CFAP44: variants seen among roughly 807,000 people sequenced by gnomAD.
The protein encoded by CFAP44 is cilia and flagella associated protein 44.
CFAP44 carries 134 observed loss-of-function variants against 216.2 expected under a neutral mutation model. The ratio of observed to expected loss-of-function variants is 0.62; its 90% CI spans 0.54 to 0.72. The LOEUF is 0.72. Among genes scored for constraint, CFAP44 ranks in the 30% least tolerant of loss-of-function variants. CFAP44 has a pLI of 0.00. For synonymous variants in CFAP44, 700 were observed against 727.6 expected (o/e 0.96, Z 0.61); for missense variants, 2,035 against 2,182.1 (o/e 0.93, Z 1.34).
At position 113,409,329 on chromosome 3, in the gene CFAP44, G is replaced by T. The variant is rs1235711615; in HGVS notation, c.674-7C>A. The T allele has an allele frequency of 9.9e-6, 16 of 1,610,096 alleles. No homozygotes were observed. The highest frequency in any genetic ancestry group is 1.0e-5 in the Non-Finnish European group (12 of 1,177,590). On this transcript the variant is annotated splice_polypyrimidine_tract_variant and splice_region_variant and intron_variant, in intron 6 of 34. Coordinates refer to ENST00000393845, the MANE Select transcript of CFAP44 (RefSeq NM_001164496.2). The stretch of plus-strand genomic sequence containing the variant: ...TATCCCTTCTCAGTCCCATCTGGAA[G>T]GATAAATGGAAGCCTAATAAATAAG...
intron 22 of CFAP44, among the ~76,000 whole-genome samples, chr3:113,349,339 C>T (rs1950419444): frequency 6.6e-6 from 1 of 152,134 alleles, no homozygotes; most frequent in African/African-American, 2.4e-5. Flanking sequence ...AGCCCTGGGC[C>T]CTGAACAAAA....
chr3:113,414,308 G>A (rs1163291198), intron 6 of CFAP44, among the ~76,000 whole-genome samples: 1 of 152,288 alleles, frequency 6.6e-6, no homozygotes, highest in South Asian at 2.1e-4. Flanking sequence ...TCTGCAAACA[G>A]TGACAACTTG....
intron 16 of CFAP44, among the ~76,000 whole-genome samples, chr3:113,379,757 A>G (rs1464848114): frequency 1.3e-5 from 2 of 152,160 alleles, no homozygotes; most frequent in Non-Finnish European, 2.9e-5. Flanking sequence ...ACCCCCATCA[A>G]TCTTGGTTTT....
chr3:113,439,071 T>C (rs1354067674), intron 1 of CFAP44, among the ~76,000 whole-genome samples: 1 of 152,236 alleles, frequency 6.6e-6, no homozygotes, highest in Non-Finnish European at 1.5e-5. Flanking sequence ...GACCATGTTC[T>C]ACATTCTATT....
chr3:113,292,883 C>G (rs1949843995), intron 34 of CFAP44, among the ~76,000 whole-genome samples: 1 of 152,176 alleles, frequency 6.6e-6, no homozygotes, highest in South Asian at 2.1e-4. Context: ...TAATCTGAAA[C>G]TTTTGCTCCT....
rs1949812017 is a variant in CFAP44 at position 113,289,823 on chromosome 3, C to T, written c.*1734G>A. ...CACTTGCTCTGGGAGAAGTCATATCCCAAGCGGCCCTATGGAGAGGCCCAC... is the reference window on the plus strand; with the variant it reads ...CACTTGCTCTGGGAGAAGTCATATCTCAAGCGGCCCTATGGAGAGGCCCAC... On this transcript the variant is annotated 3_prime_UTR_variant, in exon 35 of 35. Coordinates refer to ENST00000393845, the MANE Select transcript of CFAP44 (RefSeq NM_001164496.2). 6.6e-6 allele frequency: 1 copy of T among 152,296 alleles called. No homozygotes were observed. Among genetic ancestry groups the T allele is most frequent in the Non-Finnish European group, 1.5e-5 (1 of 68,102 alleles). The allele number at this position is 152,296 out of a possible 1,614,324, so 9.4% of individuals were successfully genotyped here. A position where few individuals can be genotyped will look rare whatever the true frequency, so the allele number is the denominator to read the frequency against.
intron 21 of CFAP44, chr3:113,361,463 A>G (rs1008980943): frequency 6.6e-6 from 1 of 151,654 alleles, no homozygotes; most frequent in Non-Finnish European, 1.5e-5. Flanking sequence ...AAGAAATTAT[A>G]TAATTATACA....
intron 17 of CFAP44, 34 bp downstream of exon 17, chr3:113,379,272 T>C: frequency 1.4e-6 from 2 of 1,432,980 alleles, no homozygotes; most frequent in Non-Finnish European, 9.4e-7. Flanking sequence ...TATTGAAATA[T>C]GATTGAGGTA....
chr3:113,403,794 T>A lies in CFAP44; in HGVS notation c.1170+58A>T, dbSNP rs1455078311. ...AACCTTTATGAGAAATAAAACCCTT[T>A]GGGTGAGCTACAAGTCTTAAACGTG... On this transcript the variant is annotated intron_variant, in intron 9 of 34. Coordinates refer to ENST00000393845, the MANE Select transcript of CFAP44 (RefSeq NM_001164496.2). 2.6e-6 allele frequency: 4 copies of A among 1,538,888 alleles called. No homozygotes were observed. The East Asian group carries it at 7.0e-5, about 27-fold the overall frequency.
intron 15 of CFAP44, among the ~76,000 whole-genome samples, chr3:113,388,820 G>C (rs1249674684): frequency 1.3e-5 from 2 of 152,166 alleles, no homozygotes; most frequent in Non-Finnish European, 2.9e-5. Flanking sequence ...TCAGTAAAAG[G>C]ATATAACAAT....
In CFAP44 at chr3:113,406,985, C is replaced by A. The variant is rs1431257097; in HGVS notation, c.947G>T (p.Arg316Leu). 2 of 1,613,978 alleles carry A rather than the reference C, an allele frequency of 1.2e-6. No homozygotes were observed. Among genetic ancestry groups the A allele is most frequent in the Non-Finnish European group, 8.5e-7 (1 of 1,180,006 alleles). ...ATCAGTAGTGATTGTTTTGCCAAAT[C>A]GACCTAGTGATCCCTGCAGCTTGAG... is the stretch of plus-strand genomic sequence containing the variant. ...TGLKLQGSLG[R>L]FGKTITTDIE... is the part of the protein sequence containing the mutation. Residue 316 changes from arginine (R) to leucine (L), a missense_variant, in exon 8 of 35, where the codon CGA (arginine) becomes CTA (leucine). Physicochemically the swap from Arg to Leu is moderately radical, Grantham distance 102. This residue lies in a region of CFAP44 where 1,883 missense variants were observed against 2,023.7 expected (regional missense o/e 0.93). Transcript: ENST00000393845.
intron 2 of CFAP44, among the ~76,000 whole-genome samples, chr3:113,429,473 T>C (rs73239121): frequency 0.21 from 31,823 of 152,030 alleles, 3,939 homozygotes; most frequent in East Asian, 0.48. Flanking sequence ...TGATGTATCT[T>C]TTTCTATCCA....
chr3:113,352,437 G>A (rs943302022), intron 22 of CFAP44, among the ~76,000 whole-genome samples: 44 of 152,128 alleles, frequency 2.9e-4, no homozygotes, highest in African/African-American at 1.4e-4. Flanking sequence ...AAAAGTCTGC[G>A]GCTTCATTCT....
At chr3:113,350,558 C>T (rs1243643630) in intron 22 of CFAP44, among the ~76,000 whole-genome samples, 1 of 152,176 alleles carries the variant, frequency 6.6e-6, no homozygotes, top group Non-Finnish European at 1.5e-5. Context: ...TCTCCATGAC[C>T]TTATAACACT....
At chr3:113,428,597 A>T (rs1935024416) in intron 2 of CFAP44, among the ~76,000 whole-genome samples, 1 of 152,216 alleles carries the variant, frequency 6.6e-6, no homozygotes, top group African/African-American at 2.4e-5. Context: ...TATTCTTGGA[A>T]ATAATCTAAA....
intron 17 of CFAP44, 44 bp downstream of exon 17, chr3:113,379,262 T>C: frequency 7.3e-7 from 1 of 1,373,022 alleles, no homozygotes; most frequent in Non-Finnish European, 9.8e-7. Context: ...CTATAAACTA[T>C]ATTGAAATAT....
At chr3:113,371,772 T>C (rs1023148002) in intron 18 of CFAP44, among the ~76,000 whole-genome samples, 22 of 152,054 alleles carry the variant, frequency 1.4e-4, no homozygotes, top group African/African-American at 1.7e-4. Flanking sequence ...AAAGAAACTA[T>C]CATCAGAGTG....
intron 12 of CFAP44, 43 bp downstream of exon 12, chr3:113,400,502 C>A: frequency 2.0e-6 from 3 of 1,471,998 alleles, no homozygotes; most frequent in Non-Finnish European, 2.7e-6. Flanking sequence ...GCAAATAAAA[C>A]AAAACAAGGC....
chr3:113,377,692 C>T (rs2107332856), intron 17 of CFAP44, among the ~76,000 whole-genome samples: 1 of 152,162 alleles, frequency 6.6e-6, no homozygotes, highest in South Asian at 2.1e-4. Flanking sequence ...CTTGCTCTGT[C>T]ACCAGGCTGG....
Sources: allele counts gnomAD v4.1 joint callset (sites outside exome capture counted in the v4.1 genomes callset), GRCh38; gene constraint gnomAD v4.1.1; regional missense constraint gnomAD v4.1.1; transcripts MANE v1.5; gene names NCBI Gene and HGNC (gene_info 2026-07-23, HGNC 2026-07-21).